FAP: variants seen among roughly 807,000 people sequenced by gnomAD.
FAP encodes the protein prolyl endopeptidase FAP.
Under a neutral mutation model 126.5 loss-of-function variants are expected in FAP, and 110 were observed. The observed-to-expected ratio is 0.87, with a 90% CI of 0.74 to 1.02. The LOEUF is 1.02. Ranked by LOEUF, FAP falls within the 50% of genes least tolerant of loss-of-function variation. The pLI is 0.00. For synonymous variants in FAP, 334 were observed against 297.3 expected (o/e 1.12, Z -1.27); for missense variants, 919 against 909.2 (o/e 1.01, Z -0.14).
chr2:162,221,118 A>T (rs1689371505), intron 6 of FAP, among the ~76,000 whole-genome samples: 1 of 152,126 alleles, frequency 6.6e-6, no homozygotes, highest in Non-Finnish European at 1.5e-5. Context: ...TTGAGTGGGG[A>T]GAGTGATTCC....
At chr2:162,211,056 C>A (rs921195356) in intron 11 of FAP, among the ~76,000 whole-genome samples, 13 of 152,150 alleles carry the variant, frequency 8.5e-5, no homozygotes, top group Non-Finnish European at 2.9e-5. Context: ...TATTTCCCAG[C>A]CTTCCTTCAG....
chr2:162,208,826 T>G (rs1053492706), intron 12 of FAP, among the ~76,000 whole-genome samples: 1 of 130,918 alleles, frequency 7.6e-6, no homozygotes, highest in African/African-American at 4.1e-5. Flanking sequence ...ATAGGAGGGT[T>G]TTTTTTTTTT....
chr2:162,225,879 A>G (rs148831750), intron 3 of FAP, among the ~76,000 whole-genome samples: 4 of 152,272 alleles, frequency 2.6e-5, no homozygotes, highest in East Asian at 3.9e-4. Flanking sequence ...TTTGAAGTGT[A>G]TATTTCTTTT....
chr2:162,211,028 G>A (rs779678108), intron 11 of FAP, among the ~76,000 whole-genome samples: 1 of 152,102 alleles, frequency 6.6e-6, no homozygotes, highest in Non-Finnish European at 1.5e-5. Context: ...TTTTTGCTAG[G>A]GATACGGGCA....
chr2:162,198,702 A>G, intron 16 of FAP, 55 bp downstream of exon 16: 1 of 1,600,774 alleles, frequency 6.2e-7, no homozygotes, highest in Non-Finnish European at 8.6e-7. Flanking sequence ...AGAGGTGAGG[A>G]GGATGACAAC....
intron 17 of FAP, 86 bp from the exon 18 acceptor site, chr2:162,189,840 G>T (rs1687978632): frequency 1.4e-6 from 1 of 703,594 alleles, no homozygotes; most frequent in Non-Finnish European, 2.4e-6. Context: ...TTCAATATGG[G>T]TGAAACTGAA....
chr2:162,200,206 T>C lies in FAP; in HGVS notation c.1277+360A>G, dbSNP rs374173877. On this transcript the variant is annotated intron_variant, in intron 15 of 25. Transcript: ENST00000188790. ...GAGACAGAGTGAAGGAAATCACATA[T>C]TATCAGAATAAAAACAATGCCTGGT... 1.9e-4 allele frequency among the ~76,000 whole-genome samples: 29 copies of C among 152,278 alleles called. No individual in the cohort carries two copies. In the East Asian group the frequency reaches 5.6e-3, roughly 29 times the overall value.
chr2:162,211,697 T>C (rs1688941955), intron 11 of FAP, among the ~76,000 whole-genome samples: 1 of 152,186 alleles, frequency 6.6e-6, no homozygotes, highest in African/African-American at 2.4e-5. Flanking sequence ...GCCATAAAAG[T>C]AAAATTAATT....
At chr2:162,193,466 A>C (rs906872239) in intron 17 of FAP, 1 of 152,198 alleles carries the variant, frequency 6.6e-6, no homozygotes, top group Admixed American at 6.5e-5. Flanking sequence ...TCTGCCAGGA[A>C]TCTAACAAGG....
intron 11 of FAP, among the ~76,000 whole-genome samples, chr2:162,211,729 G>A (rs955931447): frequency 6.6e-6 from 1 of 152,114 alleles, no homozygotes; most frequent in African/African-American, 2.4e-5. Context: ...TTCAGAGGAG[G>A]AAGCATAATA....
intron 2 of FAP, among the ~76,000 whole-genome samples, chr2:162,232,550 C>A (rs1028800121): frequency 7.2e-5 from 11 of 152,106 alleles, no homozygotes; most frequent in Non-Finnish European, 4.4e-5. Flanking sequence ...GCAATTTGAG[C>A]TTTTTCAAAG....
chr2:162,175,020 C>T (rs760301789), intron 21 of FAP, 54 bp from the exon 22 acceptor site: 90 of 1,299,456 alleles, frequency 6.9e-5, no homozygotes, highest in Admixed American at 1.2e-4. Flanking sequence ...AAGCTTTCCT[C>T]CATATGTTTA....
intron 17 of FAP, among the ~76,000 whole-genome samples, chr2:162,192,555 C>A (rs1309608876): frequency 6.6e-6 from 1 of 152,214 alleles, no homozygotes. Context: ...GTTTTGTCCA[C>A]TCGGCTCATA....
chr2:162,209,814 T>C (rs1163954592), intron 12 of FAP, 138 bp downstream of exon 12: 2 of 675,570 alleles, frequency 3.0e-6, no homozygotes, highest in South Asian at 3.7e-5. Flanking sequence ...AAGAGATCAC[T>C]ACCTATGTGT....
Position 162,171,012 on chromosome 2 carries a change from G to GA in FAP, c.2249_2250insT (p.Phe751LeufsTer23). 4 of 1,613,330 alleles carry GA rather than the reference G, an allele frequency of 2.5e-6. No homozygotes were observed. The highest frequency in any genetic ancestry group is 3.4e-6 in the Non-Finnish European group (4 of 1,179,392). The stretch of plus-strand genomic sequence containing the variant: ...ACAAAGAGAAACACTGCTTTAGGAA[G>GA]TGGGTCATGTGGGTGTATAAGTGGT... On this transcript the variant is annotated frameshift_variant, in exon 26 of 26. Coordinates refer to ENST00000188790, the MANE Select transcript of FAP (RefSeq NM_004460.5). LOFTEE classifies it high-confidence loss of function.
chr2:162,202,266 G>A (rs973278182), intron 14 of FAP, among the ~76,000 whole-genome samples: 2 of 152,244 alleles, frequency 1.3e-5, no homozygotes, highest in Non-Finnish European at 2.9e-5. Flanking sequence ...AGAACTGTAA[G>A]AAAGCAGTCC....
chr2:162,194,795 A>G, intron 16 of FAP, 47 bp from the exon 17 acceptor site: 2 of 1,565,512 alleles, frequency 1.3e-6, no homozygotes, highest in South Asian at 1.1e-5. Context: ...TTAAAATAAC[A>G]ATTCCTTTTC....
intron 12 of FAP, among the ~76,000 whole-genome samples, chr2:162,204,115 GCAA>G (rs1364724423): frequency 6.6e-6 from 1 of 152,174 alleles, no homozygotes; most frequent in Admixed American, 6.5e-5. Context: ...ACTGCATCAA[GCAA>G]CAACAACAAA....
chr2:162,242,803 T>G, intron 2 of FAP, 105 bp downstream of exon 2: 2 of 788,780 alleles, frequency 2.5e-6, no homozygotes, highest in East Asian at 5.4e-5. Flanking sequence ...ACAGACTTAC[T>G]TTGGAACATA....
Sources: gnomAD v4.1 joint callset for allele counts (sites outside exome capture counted in the v4.1 genomes callset) on GRCh38, gnomAD v4.1.1 for gene constraint, MANE v1.5 for transcripts, NCBI Gene and HGNC (gene_info 2026-07-23, HGNC 2026-07-21) for gene names.